The following PTPRD variants were observed in gnomAD, a reference collection of about 807,000 sequenced individuals.
The protein encoded by PTPRD is receptor-type tyrosine-protein phosphatase delta.
In PTPRD, 34 loss-of-function variants were observed where a neutral mutation model predicts 214.5. The ratio of observed to expected loss-of-function variants is 0.16; its 90% CI spans 0.12 to 0.21. PTPRD has a LOEUF of 0.21. PTPRD is among the 10% of genes least tolerant of loss of function. PTPRD has a pLI of 1.00. For missense variants in PTPRD, 2,545 were observed against 2,398.7 expected, an observed-to-expected ratio of 1.06 and a Z score of -1.27; for synonymous variants, 1,128 against 845.7, an observed-to-expected ratio of 1.33 and a Z score of -5.79.
At chr9:10,305,551 A>G (rs1011276571) in intron 3 of PTPRD, among the ~76,000 whole-genome samples, 1 of 152,108 alleles carries the variant, frequency 6.6e-6, no homozygotes, top group Non-Finnish European at 1.5e-5. Flanking sequence ...CAGAATCTAC[A>G]AAGAGCTTAA....
intron 11 of PTPRD, among the ~76,000 whole-genome samples, chr9:8,760,183 G>A (rs1051909756): frequency 4.6e-5 from 7 of 152,114 alleles, no homozygotes; most frequent in African/African-American, 9.7e-5. Context: ...CACCCACTTC[G>A]GCCTCCACCG....
chr9:9,638,653 C>G (rs2095846627), intron 7 of PTPRD, among the ~76,000 whole-genome samples: 1 of 152,186 alleles, frequency 6.6e-6, no homozygotes, highest in African/African-American at 2.4e-5. Context: ...TATCCATTAC[C>G]TAGTGCCGAA....
At chr9:9,970,815 C>T (rs981430940) in intron 4 of PTPRD, among the ~76,000 whole-genome samples, 12 of 152,126 alleles carry the variant, frequency 7.9e-5, no homozygotes, top group African/African-American at 2.7e-4. Context: ...CACAGAAAAC[C>T]ATGGCTTAGA....
chr9:9,594,571 C>T (rs1413640162), intron 7 of PTPRD, among the ~76,000 whole-genome samples: 1 of 152,046 alleles, frequency 6.6e-6, no homozygotes, highest in Admixed American at 6.6e-5. Context: ...TGTCAAAGAT[C>T]AGTTGGCTGT....
At chr9:8,846,492 G>C (rs745603420) in intron 11 of PTPRD, among the ~76,000 whole-genome samples, 1 of 152,060 alleles carries the variant, frequency 6.6e-6, no homozygotes, top group Admixed American at 6.6e-5. Flanking sequence ...GAATTTATTC[G>C]GTATTCTTTT....
intron 3 of PTPRD, among the ~76,000 whole-genome samples, chr9:10,274,883 T>C (rs930351841): frequency 6.6e-6 from 1 of 152,146 alleles, no homozygotes; most frequent in African/African-American, 2.4e-5. Flanking sequence ...CCCTCAGGAA[T>C]AATGACGGTG....
At chr9:8,684,141 TGATAGTAACA>T (rs2097621041) in intron 12 of PTPRD, among the ~76,000 whole-genome samples, 1 of 152,124 alleles carries the variant, frequency 6.6e-6, no homozygotes, top group African/African-American at 2.4e-5. Flanking sequence ...TAGAAATCTG[TGATAGTAACA>T]GATGTCTTTT....
chr9:8,632,121 T>TGTG (rs2096271981), intron 14 of PTPRD, among the ~76,000 whole-genome samples: 2 of 144,610 alleles, frequency 1.4e-5, no homozygotes, highest in East Asian at 2.0e-4. Flanking sequence ...AATTGCTTCT[T>TGTG]TGTGTGTGTG....
At chr9:9,531,363 G>C (rs2075413904) in intron 8 of PTPRD, among the ~76,000 whole-genome samples, 1 of 152,040 alleles carries the variant, frequency 6.6e-6, no homozygotes, top group Admixed American at 6.6e-5. Context: ...CATATAATAA[G>C]TACCTATTAG....
intron 2 of PTPRD, among the ~76,000 whole-genome samples, chr9:10,454,317 T>A (rs958754321): frequency 6.6e-6 from 1 of 151,616 alleles, no homozygotes; most frequent in Non-Finnish European, 1.5e-5. Context: ...TAAATCCTTA[T>A]ACTGCTGATG....
At chr9:8,432,813 C>T (rs371961158) in intron 35 of PTPRD, among the ~76,000 whole-genome samples, 47 of 152,236 alleles carry the variant, frequency 3.1e-4, no homozygotes, top group African/African-American at 1.0e-3. Context: ...AATTCATGCC[C>T]AGGGAGCTTT....
chr9:9,470,134 G>A (rs1359999969), intron 8 of PTPRD, among the ~76,000 whole-genome samples: 1 of 152,154 alleles, frequency 6.6e-6, no homozygotes, highest in African/African-American at 2.4e-5. Context: ...ACAGTGGGTT[G>A]AATGAACTAG....
chr9:9,653,990 T>A (rs1429500026), intron 7 of PTPRD, among the ~76,000 whole-genome samples: 1 of 152,162 alleles, frequency 6.6e-6, no homozygotes, highest in Non-Finnish European at 1.5e-5. Context: ...ATTACAGACT[T>A]CACTTAGAAT....
At position 8,331,723 on chromosome 9, in the gene PTPRD, C is replaced by T. The variant is rs367558329; in HGVS notation, c.5393G>A (p.Arg1798Gln). Residue 1798 changes from arginine to glutamine, a missense_variant, in exon 44 of 46, where the codon CGA (arginine) becomes CAA (glutamine). Arg to Gln is a conservative substitution (Grantham distance 43, BLOSUM62 1). Coordinates refer to ENST00000381196, the MANE Select transcript of PTPRD (RefSeq NM_002839.4). ...KVTDARDGQSRTVRQFQFTDW... is the reference protein window; with the variant it reads ...KVTDARDGQSQTVRQFQFTDW... ...AGTGAACTGGAACTGCCTTACTGTTCGGGACTGGCCGTCCTTTAGAAGGAA... is the reference window on the plus strand; with the variant it reads ...AGTGAACTGGAACTGCCTTACTGTTTGGGACTGGCCGTCCTTTAGAAGGAA... 18 of 1,598,986 alleles carry T rather than the reference C, an allele frequency of 1.1e-5. No homozygotes were observed. The highest frequency in any genetic ancestry group is 1.4e-5 in the Non-Finnish European group (16 of 1,173,706).
At chr9:9,924,059 A>G (rs2083438860) in intron 5 of PTPRD, among the ~76,000 whole-genome samples, 2 of 152,062 alleles carry the variant, frequency 1.3e-5, no homozygotes, top group South Asian at 2.1e-4. Flanking sequence ...AAAAATAAAT[A>G]TATTGTGCTA....
chr9:10,252,575 A>C (rs2092883460), intron 3 of PTPRD, among the ~76,000 whole-genome samples: 1 of 151,986 alleles, frequency 6.6e-6, no homozygotes, highest in African/African-American at 2.4e-5. Flanking sequence ...TTCTGATATT[A>C]TATATTATGT....
chr9:9,565,065 C>G (rs2084093524), intron 8 of PTPRD, among the ~76,000 whole-genome samples: 1 of 151,254 alleles, frequency 6.6e-6, no homozygotes, highest in Non-Finnish European at 1.5e-5. Context: ...TACATAATCC[C>G]ATAAAAAGAA....
chr9:8,796,886 T>C (rs934164788), intron 11 of PTPRD, among the ~76,000 whole-genome samples: 1 of 152,138 alleles, frequency 6.6e-6, no homozygotes, highest in East Asian at 1.9e-4. Context: ...TAATTAAATA[T>C]AAAATTCAAT....
chr9:8,601,969 A>G (rs571080657), intron 14 of PTPRD, among the ~76,000 whole-genome samples: 78 of 152,282 alleles, frequency 5.1e-4, no homozygotes, highest in African/African-American at 1.7e-3. Context: ...AGGTAGTGAC[A>G]ATGGTGACCC....
Sources: gnomAD v4.1 joint callset for allele counts (sites outside exome capture counted in the v4.1 genomes callset) on GRCh38, gnomAD v4.1.1 for gene constraint, MANE v1.5 for transcripts, NCBI Gene and HGNC (gene_info 2026-07-23, HGNC 2026-07-21) for gene names.